GLI2: variants seen among roughly 807,000 people sequenced by gnomAD.
The protein encoded by GLI2 is transcription activator GLI2.
GLI2 carries 22 observed loss-of-function variants against 78.9 expected under a neutral mutation model. That is an observed-to-expected ratio of 0.28 (90% CI 0.20 to 0.40). GLI2 has a LOEUF of 0.40. Ranked by LOEUF, GLI2 falls within the 10% of genes least tolerant of loss-of-function variation. The pLI is 1.00. For synonymous variants in GLI2, 974 were observed against 963.7 expected, an observed-to-expected ratio of 1.01 and a Z score of -0.20; for missense variants, 2,097 against 2,213.2, an observed-to-expected ratio of 0.95 and a Z score of 1.05.
rs767122616 is a variant in GLI2 at position 120,989,562 on chromosome 2, C to G, written c.3597C>G (p.Ile1199Met). 1.2e-6 allele frequency: 2 copies of G among 1,613,128 alleles called. No individual in the cohort carries two copies. Among genetic ancestry groups the G allele is most frequent in the South Asian group, 2.2e-5 (2 of 91,054 alleles). The part of the protein sequence containing the change: ...QPRSGAPSQG[I>M]PRVNYMQQLR... ...GCAGCGGAGCCCCCTCCCAGGGCATCCCCAGGGTAAACTACATGCAGCAGC... is the reference window on the plus strand; with the variant it reads ...GCAGCGGAGCCCCCTCCCAGGGCATGCCCAGGGTAAACTACATGCAGCAGC... The change falls in exon 14 of 14, where the codon ATC becomes ATG. Residue 1199 changes from isoleucine (I) to methionine (M), a missense_variant. Ile to Met is a conservative substitution (Grantham distance 10). This residue lies in a region of GLI2 where 1,290 missense variants were observed against 1,261.7 expected (regional missense o/e 1.02). Transcript: ENST00000361492.
At chr2:120,907,782 G>C (rs72837306) in intron 2 of GLI2, among the ~76,000 whole-genome samples, 2,439 of 152,274 alleles carry the variant, frequency 0.016, 22 homozygotes, top group Non-Finnish European at 0.022. Context: ...CACACACACA[G>C]AGTTGAAATG....
In GLI2 at chr2:120,844,058, G is replaced by C. The variant is rs905624252; in HGVS notation, c.148+46590G>C. On this transcript the variant is annotated intron_variant, in intron 2 of 13. Coordinates refer to ENST00000361492, the MANE Select transcript of GLI2 (RefSeq NM_001374353.1). Reference sequence around the variant, plus strand: ...TTCCCACCTTTTACATCAGGGCAAGGGTCCTATCTGATGTCACCAAAGAAC... The same window carrying C: ...TTCCCACCTTTTACATCAGGGCAAGCGTCCTATCTGATGTCACCAAAGAAC... Among the ~76,000 whole-genome samples the C allele has an allele frequency of 2.6e-5, 4 of 152,122 alleles. No individual in the cohort carries two copies. In the East Asian group the frequency reaches 7.7e-4, roughly 29 times the overall value.
At chr2:120,746,571 T>C (rs1682699774) in intron 1 of GLI2, among the ~76,000 whole-genome samples, 1 of 152,198 alleles carries the variant, frequency 6.6e-6, no homozygotes, top group African/African-American at 2.4e-5. Context: ...TTATTTAAGT[T>C]TGAAGATCTA....
intron 3 of GLI2, among the ~76,000 whole-genome samples, chr2:120,936,963 G>A (rs1450763833): frequency 6.6e-6 from 1 of 152,186 alleles, no homozygotes; most frequent in Non-Finnish European, 1.5e-5. Context: ...TCAAGCCTCT[G>A]TCACTGCAGC....
intron 2 of GLI2, among the ~76,000 whole-genome samples, chr2:120,859,398 G>T (rs1264864974): frequency 4.0e-5 from 6 of 151,508 alleles, no homozygotes; most frequent in Non-Finnish European, 7.4e-5. Flanking sequence ...GAGCAGGGAA[G>T]CTGTGTTGAG....
chr2:120,930,650 C>G (rs989682121), intron 3 of GLI2, among the ~76,000 whole-genome samples: 4 of 152,258 alleles, frequency 2.6e-5, no homozygotes, highest in Non-Finnish European at 5.9e-5. Flanking sequence ...TACTGCAGAT[C>G]CTCAGGCCAC....
Position 120,849,501 on chromosome 2 carries a change from A to T in GLI2, c.148+52033A>T, listed in dbSNP as rs1003991992. 2.6e-5 allele frequency among the ~76,000 whole-genome samples: 4 copies of T among 152,274 alleles called. No homozygotes were observed. In the South Asian group the frequency reaches 8.3e-4, roughly 32 times the overall value. ...GATGGCGGCAATTGTGTTCTTTTGT[A>T]GAGAAAGTAAGGTAACTCTCTGGGG... On this transcript the variant is annotated intron_variant, in intron 2 of 13. Coordinates refer to ENST00000361492, the MANE Select transcript of GLI2 (RefSeq NM_001374353.1).
At chr2:120,908,434 TCTG>T (rs1263742688) in intron 2 of GLI2, among the ~76,000 whole-genome samples, 5 of 152,196 alleles carry the variant, frequency 3.3e-5, no homozygotes. Context: ...GGCCCCCTCT[TCTG>T]AGCACTGGAT....
intron 6 of GLI2, among the ~76,000 whole-genome samples, 176 bp from the exon 7 acceptor site, chr2:120,970,217 A>G (rs1682072235): frequency 6.6e-6 from 1 of 152,102 alleles, no homozygotes; most frequent in African/African-American, 2.4e-5. Flanking sequence ...GCAGAAGGTG[A>G]GTGGCAGACA....
chr2:120,823,112 C>T (rs761538376), intron 2 of GLI2, among the ~76,000 whole-genome samples: 7 of 152,188 alleles, frequency 4.6e-5, no homozygotes, highest in South Asian at 2.1e-4. Flanking sequence ...GTTTCCCAGG[C>T]GAGGCTGTGT....
Position 120,990,100 on chromosome 2 carries a change from G to C in GLI2, c.4135G>C (p.Ala1379Pro), listed in dbSNP as rs751479828. 1.3e-6 allele frequency: 2 copies of C among 1,599,734 alleles called. No homozygotes were observed. The highest frequency in any genetic ancestry group is 1.7e-6 in the Non-Finnish European group (2 of 1,171,458). ...TGCTGTGCAGCAGCAGCTGGCCTAC[G>C]CCAGGGCCACAGGCCATGCCATGGC... is the stretch of plus-strand genomic sequence containing the variant. ...VRAVQQQLAY[A>P]RATGHAMAAM... The change falls in exon 14 of 14, where the codon GCC becomes CCC. Residue 1379 changes from alanine to proline, a missense_variant. Coordinates refer to ENST00000361492, the MANE Select transcript of GLI2 (RefSeq NM_001374353.1).
rs1682347934 is a variant in GLI2, at chr2:120,736,276, GTCTC to G, written c.-35_-32del. 1 of 152,014 alleles carries G rather than the reference GTCTC, an allele frequency of 6.6e-6. No individual in the cohort carries two copies. Among genetic ancestry groups the G allele is most frequent in the African/African-American group, 2.4e-5 (1 of 41,402 alleles). The allele number at this position is 152,014 out of a possible 1,614,324, so 9.4% of individuals were successfully genotyped here. On this transcript the variant is annotated 5_prime_UTR_variant, in exon 1 of 14. Coordinates refer to ENST00000361492, the MANE Select transcript of GLI2 (RefSeq NM_001374353.1). ...ACCTGCGTGCTAGAGGCAAACTTTTGTCTCTCTCGGTAAAGTTGCATTGGCCTTC... is the reference window on the plus strand; with the variant it reads ...ACCTGCGTGCTAGAGGCAAACTTTTGTCTCGGTAAAGTTGCATTGGCCTTC...
chr2:120,943,121 T>C (rs1038628132), intron 3 of GLI2, among the ~76,000 whole-genome samples: 1 of 152,152 alleles, frequency 6.6e-6, no homozygotes, highest in Non-Finnish European at 1.5e-5. Context: ...CAGCTGAGGA[T>C]ATCTGGTCAT....
intron 1 of GLI2, among the ~76,000 whole-genome samples, chr2:120,762,914 G>A (rs1364439218): frequency 6.6e-6 from 1 of 152,242 alleles, no homozygotes; most frequent in Non-Finnish European, 1.5e-5. Context: ...GAAGGGATCC[G>A]AGGAGGAAAG....
intron 2 of GLI2, among the ~76,000 whole-genome samples, chr2:120,829,955 G>T (rs1049219609): frequency 3.3e-5 from 5 of 152,216 alleles, no homozygotes; most frequent in African/African-American, 1.2e-4. Context: ...CTAAGGGCAG[G>T]TGTGCCTGCG....
Position 120,972,355 on chromosome 2 carries a change from G to A in GLI2, c.1182+292G>A, listed in dbSNP as rs2592589. Among the ~76,000 whole-genome samples, 904 of 152,272 alleles carry A rather than the reference G, an allele frequency of 5.9e-3. 7 individuals carry two copies. The highest frequency in any genetic ancestry group is 0.021 in the African/African-American group (878 of 41,502). ...CTCAGGCTGCATCTGTCTCTCTCTC[G>A]CCACACCTGACCTGTGTACAGCACC... On this transcript the variant is annotated intron_variant, in intron 8 of 13. Coordinates refer to ENST00000361492, the MANE Select transcript of GLI2 (RefSeq NM_001374353.1).
chr2:120,849,032 C>CA (rs1281103064), intron 2 of GLI2, among the ~76,000 whole-genome samples: 11 of 152,320 alleles, frequency 7.2e-5, no homozygotes, highest in African/African-American at 2.6e-4. Context: ...ACACATGCTG[C>CA]AACATGGATG....
intron 2 of GLI2, among the ~76,000 whole-genome samples, chr2:120,904,791 G>C (rs1051457716): frequency 6.6e-6 from 1 of 152,156 alleles, no homozygotes; most frequent in Non-Finnish European, 1.5e-5. Context: ...CAGAGCCTGC[G>C]ATCTACCAAA....
At position 120,988,236 on chromosome 2, in the gene GLI2, TG is replaced by T; in HGVS notation, c.2276del (p.Gly759AlafsTer21). On this transcript the variant is annotated frameshift_variant, in exon 14 of 14. Transcript: ENST00000361492. LOFTEE classifies it low-confidence loss of function (END_TRUNC). The part of the protein sequence containing the change: ...GSILENFSGS[G>X]GGGPAGLLPN... ...CCATCCTGGAAAACTTCAGTGGCAGTGGGGGCGGCGGGCCCGCGGGGCTGCT... is the reference window on the plus strand; with the variant it reads ...CCATCCTGGAAAACTTCAGTGGCAGTGGGGCGGCGGGCCCGCGGGGCTGCT... The T allele has an allele frequency of 1.9e-6, 3 of 1,587,078 alleles. No homozygotes were observed. The highest frequency in any genetic ancestry group is 1.7e-5 in the Admixed American group (1 of 57,834).
Sources: gnomAD v4.1 joint callset for allele counts (sites outside exome capture counted in the v4.1 genomes callset) on GRCh38, gnomAD v4.1.1 for gene constraint, gnomAD v4.1.1 regional missense constraint, MANE v1.5 for transcripts, NCBI Gene and HGNC (gene_info 2026-07-23, HGNC 2026-07-21) for gene names.